The following SEL1L3 variants were observed in gnomAD, a reference collection of about 807,000 sequenced individuals.
SEL1L3 encodes the protein SEL1L family member 3, also known as protein sel-1 homolog 3.
In SEL1L3, 76 loss-of-function variants were observed where a neutral mutation model predicts 142.8. The observed-to-expected ratio is 0.53, with a 90% confidence interval of 0.44 to 0.64. The LOEUF (loss-of-function observed/expected upper bound fraction) is 0.64, where lower values mean the gene tolerates loss of function less well. SEL1L3 is among the 30% of genes least tolerant of loss of function. The pLI is 0.00. For missense variants in SEL1L3, 1,262 were observed against 1,381.7 expected (o/e 0.91, Z 1.37); for synonymous variants, 504 against 519.6 (o/e 0.97, Z 0.41).
chr4:25,862,621 G>A (rs1220419274), intron 1 of SEL1L3, 54 bp downstream of exon 1: 4 of 1,042,810 alleles, frequency 3.8e-6, no homozygotes, highest in African/African-American at 3.4e-5. Flanking sequence ...GCCCCCACCC[G>A]CGTCCCCGGG....
At chr4:25,742,639 T>C (rs1717153628), downstream of SEL1L3, among the ~76,000 whole-genome samples, 1 of 152,148 alleles carries the variant, frequency 6.6e-6, no homozygotes, top group Non-Finnish European at 1.5e-5. Context: ...ATCTAATGAG[T>C]TCATAGTTTG....
intron 2 of SEL1L3, among the ~76,000 whole-genome samples, chr4:25,846,816 G>A (rs1418621766): frequency 6.6e-6 from 1 of 150,702 alleles, no homozygotes; most frequent in East Asian, 2.0e-4. Flanking sequence ...GGCTGAGGCA[G>A]GAGAATTGCT....
rs1715573556 is a variant in SEL1L3, at chr4:25,833,433, C to T, written c.982+15G>A. On this transcript the variant is annotated intron_variant, in intron 4 of 23. Transcript: ENST00000399878. ...AAATTACAATATCATTTTAAAGGTT[C>T]TGTTTTATACTCACCCTCTTCCGTA... 7 of 1,602,362 alleles carry T rather than the reference C, an allele frequency of 4.4e-6. No homozygotes were observed. The highest frequency in any genetic ancestry group is 4.5e-5 in the East Asian group (2 of 44,798).
At position 25,833,506 on chromosome 4, in the gene SEL1L3, C is replaced by A; in HGVS notation, c.924G>T (p.Leu308=). 1 of 1,612,642 alleles carries A rather than the reference C, an allele frequency of 6.2e-7. No individual in the cohort carries two copies. Among genetic ancestry groups the A allele is most frequent in the African/African-American group, 1.3e-5 (1 of 74,984 alleles). ...HYCKANLCGI[L]YFVDSNEMYG... ...ACATCTCATTAGAGTCAACAAAGTA[C>A]AGAATCCCACAGAGGTTGGCCTTGC... The change falls in exon 4 of 24, where the codon CTG becomes CTT. Residue 308 remains leucine (L), a synonymous_variant. Transcript: ENST00000399878.
At chr4:25,796,061 GT>G (rs976788157) in intron 11 of SEL1L3, among the ~76,000 whole-genome samples, 7 of 152,120 alleles carry the variant, frequency 4.6e-5, no homozygotes, top group Non-Finnish European at 5.9e-5. Context: ...TATTGTTGCC[GT>G]TTTATAAAAT....
chr4:25,782,521 C>T (rs1010695049), intron 14 of SEL1L3, 103 bp from the exon 15 acceptor site: 6 of 978,994 alleles, frequency 6.1e-6, no homozygotes, highest in Admixed American at 2.8e-5. Context: ...TGAACAAAAC[C>T]TTCCCTTTCT....
chr4:25,720,041 C>T, the SEL1L3 span: 4 of 152,236 alleles, frequency 2.6e-5, no homozygotes, highest in East Asian at 1.9e-4. Flanking sequence ...TTGGTAAACA[C>T]GGTCTATCAT....
At chr4:25,742,588 A>G (rs9996419), downstream of SEL1L3, among the ~76,000 whole-genome samples, 62,283 of 152,062 alleles carry the variant, frequency 0.41, 14,334 homozygotes, top group East Asian at 0.67. Context: ...GAGCCACCGC[A>G]CCCGGCCAAG....
chr4:25,761,853 A>G (rs1043538482), intron 20 of SEL1L3, among the ~76,000 whole-genome samples: 1 of 152,250 alleles, frequency 6.6e-6, no homozygotes, highest in African/African-American at 2.4e-5. Context: ...ATCCTTCTCT[A>G]CTTAAACACT....
intron 1 of SEL1L3, among the ~76,000 whole-genome samples, chr4:25,855,884 C>T (rs1201108509): frequency 6.6e-6 from 1 of 152,180 alleles, no homozygotes; most frequent in Admixed American, 6.5e-5. Context: ...TTCTTATACT[C>T]GTAAGTTCTC....
chr4:25,782,803 A>C (rs1711529274), intron 14 of SEL1L3, among the ~76,000 whole-genome samples: 1 of 152,098 alleles, frequency 6.6e-6, no homozygotes, highest in East Asian at 1.9e-4. Flanking sequence ...CCTGACTGGG[A>C]TGGTTTCTAG....
intron 17 of SEL1L3, among the ~76,000 whole-genome samples, chr4:25,775,028 C>T (rs1030258262): frequency 7.2e-5 from 11 of 152,188 alleles, no homozygotes; most frequent in South Asian, 6.2e-4. Context: ...TTAGTTCATC[C>T]TAAGAAGTTT....
intron 1 of SEL1L3, chr4:25,860,724 T>A (rs1167987003): frequency 6.6e-6 from 1 of 152,276 alleles, no homozygotes; most frequent in Non-Finnish European, 1.5e-5. Flanking sequence ...AGCACTGACA[T>A]TTCCCCCCAC....
intron 21 of SEL1L3, among the ~76,000 whole-genome samples, chr4:25,758,268 C>T (rs1308474476): frequency 2.0e-5 from 3 of 152,008 alleles, no homozygotes; most frequent in Non-Finnish European, 4.4e-5. Flanking sequence ...GCCAGGAGTT[C>T]GAGACCAGCC....
intron 9 of SEL1L3, among the ~76,000 whole-genome samples, chr4:25,809,308 A>G (rs950613180): frequency 1.3e-4 from 18 of 139,252 alleles, no homozygotes; most frequent in Non-Finnish European, 2.5e-4. Flanking sequence ...TGCTTGGCTA[A>G]TTTTTTTTTT....
chr4:25,851,837 C>T (rs538309430), intron 1 of SEL1L3, among the ~76,000 whole-genome samples: 27 of 145,698 alleles, frequency 1.9e-4, no homozygotes, highest in African/African-American at 3.9e-4. Flanking sequence ...TGCAGTGAGC[C>T]GATATCGTGC....
At chr4:25,728,463 G>C in the SEL1L3 span, among the ~76,000 whole-genome samples, 1 of 151,962 alleles carries the variant, frequency 6.6e-6, no homozygotes, top group Non-Finnish European at 1.5e-5. Context: ...ACTGTTCCCT[G>C]AAACACCATA....
At chr4:25,759,868 A>G (rs1440678924) in intron 20 of SEL1L3, 1 of 152,200 alleles carries the variant, frequency 6.6e-6, no homozygotes, top group Non-Finnish European at 1.5e-5. Flanking sequence ...AACTTGACCA[A>G]TTAAACTGGA....
At chr4:25,754,880 G>T (rs934197676) in intron 23 of SEL1L3, among the ~76,000 whole-genome samples, 1 of 151,890 alleles carries the variant, frequency 6.6e-6, no homozygotes, top group African/African-American at 2.4e-5. Flanking sequence ...TGCTGTTAGG[G>T]CCCTATATTG....
Sources: allele counts gnomAD v4.1 joint callset (sites outside exome capture counted in the v4.1 genomes callset), GRCh38; gene constraint gnomAD v4.1.1; transcripts MANE v1.5; gene names NCBI Gene and HGNC (gene_info 2026-07-23, HGNC 2026-07-21).